Variants in RNF220 observed in about 807,000 individuals in gnomAD.
The protein encoded by RNF220 is E3 ubiquitin-protein ligase RNF220.
A neutral mutation model predicts 67.1 loss-of-function variants in RNF220; 7 were observed. That is an observed-to-expected ratio of 0.10 (90% confidence interval 0.06 to 0.20). RNF220 has a LOEUF of 0.20. RNF220 is among the 10% of genes least tolerant of loss of function. The pLI is 1.00. For synonymous variants in RNF220, 270 were observed against 283.2 expected (o/e 0.95, Z 0.47); for missense variants, 565 against 740.3 (o/e 0.76, Z 2.75).
chr1:44,571,754 C>A (rs944440516), intron 2 of RNF220, among the ~76,000 whole-genome samples: 1 of 152,192 alleles, frequency 6.6e-6, no homozygotes, highest in Non-Finnish European at 1.5e-5. Context: ...AGGACATCTC[C>A]CCATGTGTCG....
At position 44,650,489 on chromosome 1, in the gene RNF220, T is replaced by C. The variant is rs1237895643; in HGVS notation, c.1630-215T>C. 1.7e-5 allele frequency: 10 copies of C among 590,866 alleles called. No individual in the cohort carries two copies. The highest frequency in any genetic ancestry group is 3.9e-5 in the South Asian group (2 of 51,554). The allele number at this position is 590,866 out of a possible 1,614,324, so 36.6% of individuals were successfully genotyped here. On this transcript the variant is annotated intron_variant, in intron 14 of 14. Transcript: ENST00000361799. The surrounding 1 kb of genome is among the most constrained non-coding windows in gnomAD (Gnocchi z 4.3). ...TTGTTCTCATTACTGGGGCTCCTGCTGCGGGGCTGGCCAGGCGGTTTGATC... is the reference window on the plus strand; with the variant it reads ...TTGTTCTCATTACTGGGGCTCCTGCCGCGGGGCTGGCCAGGCGGTTTGATC...
chr1:44,461,924 G>GTTT (rs201661366), intron 2 of RNF220, among the ~76,000 whole-genome samples: 2,386 of 123,302 alleles, frequency 0.019, 163 homozygotes, highest in African/African-American at 0.069. Context: ...TTTTTTCTTT[G>GTTT]TTTTTTTTTT....
intron 2 of RNF220, among the ~76,000 whole-genome samples, chr1:44,564,918 A>C (rs1294737014): frequency 6.6e-6 from 1 of 152,162 alleles, no homozygotes; most frequent in African/African-American, 2.4e-5. Context: ...TTCCTTTAGA[A>C]AAGGGACGAT....
In RNF220 at chr1:44,552,457, C is replaced by T. The variant is rs578148229; in HGVS notation, c.626-61708C>T. 2.0e-5 allele frequency among the ~76,000 whole-genome samples: 3 copies of T among 151,710 alleles called. No homozygotes were observed. The South Asian group carries it at 6.2e-4, about 32-fold the overall frequency. On this transcript the variant is annotated intron_variant, in intron 2 of 14. Transcript: ENST00000361799. ...TCTGCAGTGAGCCATGATTGTGCCA[C>T]TGCGCTCCAGCCTGGGCAACAGAGC...
chr1:44,507,952 G>A (rs540890423), intron 2 of RNF220, among the ~76,000 whole-genome samples: 2 of 152,300 alleles, frequency 1.3e-5, no homozygotes, highest in Non-Finnish European at 2.9e-5. Flanking sequence ...GGCGGGAGGC[G>A]ATGGAGTGGT....
intron 2 of RNF220, among the ~76,000 whole-genome samples, chr1:44,560,149 G>A (rs943048498): frequency 6.6e-6 from 1 of 152,212 alleles, no homozygotes; most frequent in Non-Finnish European, 1.5e-5. Flanking sequence ...CCAGTGAGTG[G>A]GGAACTGGGT....
intron 2 of RNF220, among the ~76,000 whole-genome samples, chr1:44,451,039 G>T (rs902110722): frequency 6.6e-6 from 1 of 151,902 alleles, no homozygotes. Context: ...AAAAATTAGC[G>T]GGGCGTGGTG....
At chr1:44,485,854 T>C (rs1371082293) in intron 2 of RNF220, among the ~76,000 whole-genome samples, 1 of 152,146 alleles carries the variant, frequency 6.6e-6, no homozygotes, top group African/African-American at 2.4e-5. Flanking sequence ...GCCACAAGCA[T>C]GACACAGCTG....
At chr1:44,585,236 GC>G (rs1665611136) in intron 2 of RNF220, among the ~76,000 whole-genome samples, 1 of 152,152 alleles carries the variant, frequency 6.6e-6, no homozygotes, top group Non-Finnish European at 1.5e-5. Flanking sequence ...TCCCTCACTA[GC>G]AGGAACTGTT....
intron 2 of RNF220, among the ~76,000 whole-genome samples, chr1:44,506,410 G>A (rs1572709430): frequency 1.3e-5 from 2 of 152,350 alleles, no homozygotes; most frequent in South Asian, 2.1e-4. Context: ...GGCACTGGCC[G>A]CCATGTGCCA....
At chr1:44,631,850 G>C in intron 5 of RNF220, 1 of 958,792 alleles carries the variant, frequency 1.0e-6, no homozygotes, top group Non-Finnish European at 1.2e-6. Flanking sequence ...GGACCCCGGG[G>C]AGGCTTCTGC....
At position 44,417,786 on chromosome 1, in the gene RNF220, C is replaced by G. The variant is rs1648718468; in HGVS notation, c.625+5064C>G. 6.6e-6 allele frequency among the ~76,000 whole-genome samples: 1 copy of G among 152,120 alleles called. No homozygotes were observed. The stretch of plus-strand genomic sequence containing the variant: ...GCGCGGAGAGGCGCGAGAACTGGCC[C>G]CGGGGAGGCCAGGCCACGGGGTGGG... On this transcript the variant is annotated intron_variant, in intron 2 of 14. Transcript: ENST00000361799. The surrounding 1 kb of genome is among the most constrained non-coding windows in gnomAD (Gnocchi z 4.0).
intron 2 of RNF220, among the ~76,000 whole-genome samples, chr1:44,467,707 G>A (rs796687815): frequency 3.2e-5 from 4 of 124,402 alleles, no homozygotes; most frequent in Admixed American, 1.5e-4. Context: ...CACTAGCATA[G>A]CATTTTTTTA....
chr1:44,444,707 C>T (rs1651907112), intron 2 of RNF220, among the ~76,000 whole-genome samples: 1 of 152,194 alleles, frequency 6.6e-6, no homozygotes, highest in African/African-American at 2.4e-5. Flanking sequence ...TCCCAAAGTG[C>T]TGGGATTACA....
intron 2 of RNF220, among the ~76,000 whole-genome samples, chr1:44,504,588 G>A (rs936586063): frequency 1.3e-5 from 2 of 152,074 alleles, no homozygotes; most frequent in African/African-American, 2.4e-5. Context: ...CTGGGTGGGC[G>A]GGTATAATGA....
At chr1:44,617,791 C>T (rs1643623857) in intron 3 of RNF220, among the ~76,000 whole-genome samples, 1 of 152,202 alleles carries the variant, frequency 6.6e-6, no homozygotes, top group South Asian at 2.1e-4. Context: ...CTTCCAGGGT[C>T]CTAGCAGAGC....
At position 44,645,017 on chromosome 1, in the gene RNF220, C is replaced by G; in HGVS notation, c.1246C>G (p.Pro416Ala). The G allele has an allele frequency of 6.2e-7, 1 of 1,614,048 alleles. No homozygotes were observed. The highest frequency in any genetic ancestry group is 2.2e-5 in the East Asian group (1 of 44,852). ...KPQYTEADVI[P>A]CTGEEPGEAK... ...CAGATACACAGAGGCTGATGTCATC[C>G]CCTGCACAGGCGAGGAGCCTGGTGA... The change falls in exon 10 of 15, where the codon CCC (proline) becomes GCC (alanine). Residue 416 changes from proline to alanine, a missense_variant. Pro to Ala is a conservative substitution (Grantham distance 27). Transcript: ENST00000361799. The surrounding 1 kb of genome is among the most constrained non-coding windows in gnomAD (Gnocchi z 5.0).
At chr1:44,620,989 C>T (rs757877245) in intron 3 of RNF220, among the ~76,000 whole-genome samples, 2 of 150,440 alleles carry the variant, frequency 1.3e-5, no homozygotes, top group Non-Finnish European at 2.9e-5. Context: ...AATCTCGGCT[C>T]ACTCCAACTT....
At chr1:44,423,746 C>A in intron 2 of RNF220, 1 of 700,862 alleles carries the variant, frequency 1.4e-6, no homozygotes, top group Non-Finnish European at 1.8e-6. Flanking sequence ...CTCGCTTGGC[C>A]GTTAAACTAA....
Sources: gnomAD v4.1 joint callset for allele counts (sites outside exome capture counted in the v4.1 genomes callset) on GRCh38, gnomAD v4.1.1 for gene constraint, Gnocchi (gnomAD v3.1) non-coding constraint, MANE v1.5 for transcripts, NCBI Gene and HGNC (gene_info 2026-07-23, HGNC 2026-07-21) for gene names.